The following RNF181 variants were observed in gnomAD, a reference collection of about 807,000 sequenced individuals.
The protein encoded by RNF181 is E3 ubiquitin-protein ligase RNF181.
In RNF181, 25 loss-of-function variants were observed where a neutral mutation model predicts 23.3. The observed-to-expected ratio is 1.07, with a 90% CI of 0.78 to 1.50. The LOEUF (loss-of-function observed/expected upper bound fraction) is 1.50. RNF181 is among the 40% of genes most tolerant of loss of function. The probability of loss-of-function intolerance (pLI) is 0.00; values close to 1 mark genes in which losing one functional copy is unlikely to be tolerated. For missense variants in RNF181, 167 were observed against 191.1 expected, an observed-to-expected ratio of 0.87 and a Z score of 0.74; for synonymous variants, 62 against 70.9, an observed-to-expected ratio of 0.87 and a Z score of 0.63.
chr2:85,596,932 G>C lies in RNF181; in HGVS notation c.327+1G>C, dbSNP rs202048391. On this transcript the variant is annotated splice_donor_variant, in intron 3 of 4. Transcript: ENST00000306368. LOFTEE classifies it high-confidence loss of function. ...CTGCATTCTGCCCTGGCTAAGCAAGGTACTGCTTCTCTTCTTCTAGCTCTC... is the reference window on the plus strand; with the variant it reads ...CTGCATTCTGCCCTGGCTAAGCAAGCTACTGCTTCTCTTCTTCTAGCTCTC... 49 of 1,614,146 alleles carry C rather than the reference G, an allele frequency of 3.0e-5. No homozygotes were observed. The East Asian group carries it at 9.6e-4, about 32-fold the overall frequency.
rs907028817 is a variant in RNF181, at chr2:85,596,405, G to A, written c.87-114G>A. 3 of 1,083,400 alleles carry A rather than the reference G, an allele frequency of 2.8e-6. No homozygotes were observed. The East Asian group carries it at 7.5e-5, about 27-fold the overall frequency. 67.1% of individuals were successfully genotyped at this position (1,083,400 alleles called of 1,614,324 possible). A position where few individuals can be genotyped will look rare whatever the true frequency, so the allele number is the denominator to read the frequency against. ...CTAGTGAGCATCTACTAACTACTAA[G>A]GGTAGCTATTATTCCTACTAGCTGG... On this transcript the variant is annotated intron_variant, in intron 1 of 4. Coordinates refer to ENST00000306368, the MANE Select transcript of RNF181 (RefSeq NM_016494.4).
chr2:85,595,967 A>C, intron 1 of RNF181, 118 bp downstream of exon 1: 1 of 874,588 alleles, frequency 1.1e-6, no homozygotes, highest in Non-Finnish European at 1.9e-6. Context: ...AGTAATCTGG[A>C]GTGTTAGTAC....
rs748669765 is a variant in RNF181 at position 85,597,448 on chromosome 2, C to T, written c.406C>T (p.Arg136Ter). ...CAGCATGCCTTCTTTCCTTCAGGCTCGAAAACAGCAGCAGCAACACCGACT... is the reference window on the plus strand; with the variant it reads ...CAGCATGCCTTCTTTCCTTCAGGCTTGAAAACAGCAGCAGCAACACCGACT... Reference protein sequence around the residue: ...TYEEHRRDKARKQQQQHRLEN... With the variant: ...TYEEHRRDKA The change falls in exon 5 of 5, where the codon CGA (arginine) becomes TGA (stop). Residue 136 changes from arginine to a stop codon, truncating the protein, a stop_gained. Transcript: ENST00000306368. LOFTEE classifies it high-confidence loss of function. The T allele has an allele frequency of 1.2e-5, 19 of 1,608,844 alleles. No individual in the cohort carries two copies. The Admixed American group carries it at 2.2e-4, about 19-fold the overall frequency.
chr2:85,597,364 C>G, intron 4 of RNF181, 81 bp from the exon 5 acceptor site: 2 of 1,511,040 alleles, frequency 1.3e-6, no homozygotes, highest in East Asian at 2.3e-5. Flanking sequence ...GAAAACAGAG[C>G]CAGCCCCATA....
At chr2:85,596,733 A>G in intron 2 of RNF181, 84 bp downstream of exon 2, 1 of 1,611,050 alleles carries the variant, frequency 6.2e-7, no homozygotes, top group Non-Finnish European at 8.5e-7. Flanking sequence ...TCAGTTTTCC[A>G]GGTCAGGTGG....
In RNF181 at chr2:85,596,901, T is replaced by C; in HGVS notation, c.297T>C (p.His99=). 1 of 1,614,226 alleles carries C rather than the reference T, an allele frequency of 6.2e-7. No individual in the cohort carries two copies. The highest frequency in any genetic ancestry group is 8.5e-7 in the Non-Finnish European group (1 of 1,180,040). Residue 99 remains histidine, a synonymous_variant, in exon 3 of 5, where the codon CAT becomes CAC. Coordinates refer to ENST00000306368, the MANE Select transcript of RNF181 (RefSeq NM_016494.4). ...AGATGCCTTGCCATCACCTTTTCCA[T>C]TCCAGCTGCATTCTGCCCTGGCTAA... is the stretch of plus-strand genomic sequence containing the variant. ...AIEMPCHHLF[H]SSCILPWLSK...
chr2:85,596,398 C>A, intron 1 of RNF181, 121 bp from the exon 2 acceptor site: 1 of 1,019,854 alleles, frequency 9.8e-7, no homozygotes, highest in Non-Finnish European at 1.4e-6. Context: ...CATCTACTAA[C>A]TACTAAGGGT....
In RNF181 at chr2:85,596,664, T is replaced by G; in HGVS notation, c.217+15T>G. ...CTCTCAGGCTGGTGAGGACACTGAT[T>G]CTTTCTGCTATTTGGGCCAGACCCA... On this transcript the variant is annotated intron_variant, in intron 2 of 4. Transcript: ENST00000306368. 1.2e-6 allele frequency: 2 copies of G among 1,613,180 alleles called. No homozygotes were observed. Among genetic ancestry groups the G allele is most frequent in the Non-Finnish European group, 8.5e-7 (1 of 1,179,246 alleles).
chr2:85,596,045 G>A (rs7573200), intron 1 of RNF181, among the ~76,000 whole-genome samples, 196 bp downstream of exon 1: 5,092 of 51,028 alleles, frequency 0.1, 134 homozygotes, highest in Non-Finnish European at 0.13. Flanking sequence ...GGGCCGGCCT[G>A]GGGCAAGGGG....
At chr2:85,596,970 G>T (rs746180511) in intron 3 of RNF181, 39 bp downstream of exon 3, 1 of 1,614,084 alleles carries the variant, frequency 6.2e-7, no homozygotes, top group African/African-American at 1.3e-5. Flanking sequence ...CGTGCCCTGG[G>T]CCCAGTACTC....
Position 85,596,882 on chromosome 2 carries a change from C to T in RNF181, c.278C>T (p.Pro93Leu). 6.2e-7 allele frequency: 1 copy of T among 1,614,196 alleles called. No homozygotes were observed. Among genetic ancestry groups the T allele is most frequent in the Non-Finnish European group, 8.5e-7 (1 of 1,180,046 alleles). The change falls in exon 3 of 5, where the codon CCT becomes CTT. Residue 93 changes from proline to leucine, a missense_variant. Transcript: ENST00000306368. ...GAGGAGGAGACTGCCATTGAGATGCCTTGCCATCACCTTTTCCATTCCAGC... is the reference window on the plus strand; with the variant it reads ...GAGGAGGAGACTGCCATTGAGATGCTTTGCCATCACCTTTTCCATTCCAGC... The part of the protein sequence containing the change: ...FEEEETAIEM[P>L]CHHLFHSSCI...
intron 1 of RNF181, 77 bp from the exon 2 acceptor site, chr2:85,596,442 A>G: frequency 2.1e-6 from 3 of 1,452,344 alleles, no homozygotes; most frequent in Non-Finnish European, 2.8e-6. Flanking sequence ...CAGCGTGTTT[A>G]TTAATGTCCA....
rs1177285612 is a variant in RNF181 at position 85,597,474 on chromosome 2, G to A, written c.432G>A (p.Leu144=). ...KARKQQQQHR[L]ENLHGAMYT is the part of the protein sequence containing the mutation. ...GAAAACAGCAGCAGCAACACCGACTGGAGAACCTCCATGGAGCCATGTACA... is the reference window on the plus strand; with the variant it reads ...GAAAACAGCAGCAGCAACACCGACTAGAGAACCTCCATGGAGCCATGTACA... Residue 144 remains leucine, a synonymous_variant, in exon 5 of 5, where the codon CTG becomes CTA. Transcript: ENST00000306368. 1.2e-6 allele frequency: 2 copies of A among 1,612,602 alleles called. No individual in the cohort carries two copies. The highest frequency in any genetic ancestry group is 1.1e-5 in the South Asian group (1 of 90,906).
chr2:85,597,301 T>G, intron 4 of RNF181, 123 bp downstream of exon 4: 2 of 1,384,282 alleles, frequency 1.4e-6, no homozygotes, highest in Non-Finnish European at 2.0e-6. Flanking sequence ...GGCTGTCTTC[T>G]TAGTGACTTT....
chr2:85,597,269 A>G, intron 4 of RNF181, 91 bp downstream of exon 4: 1 of 1,383,886 alleles, frequency 7.2e-7, no homozygotes, highest in Non-Finnish European at 1.0e-6. Flanking sequence ...AGGACTGGGT[A>G]GGCCTCAGAA....
chr2:85,597,220 C>T lies in RNF181; in HGVS notation c.402+42C>T. ...AAGTGGAGGGGTCGTAATGGGCTCC[C>T]TGAGTCCTGTCCCCGCTGCCATCAC... On this transcript the variant is annotated intron_variant, in intron 4 of 4. Coordinates refer to ENST00000306368, the MANE Select transcript of RNF181 (RefSeq NM_016494.4). 4 of 1,540,856 alleles carry T rather than the reference C, an allele frequency of 2.6e-6. No individual in the cohort carries two copies. In the South Asian group the frequency reaches 4.7e-5, roughly 18 times the overall value.
chr2:85,596,419 C>G (rs1387335870), intron 1 of RNF181, 100 bp from the exon 2 acceptor site: 2 of 1,221,516 alleles, frequency 1.6e-6, no homozygotes, highest in Non-Finnish European at 2.3e-6. Flanking sequence ...AGCTATTATT[C>G]CTACTAGCTG....
chr2:85,596,350 T>C lies in RNF181; in HGVS notation c.87-169T>C, dbSNP rs1011156789. 2.0e-5 allele frequency among the ~76,000 whole-genome samples: 3 copies of C among 148,580 alleles called. No individual in the cohort carries two copies. The Admixed American group carries it at 2.0e-4, about 10-fold the overall frequency. ...ACGTGCTGGGGCGGTCTGATAGCAG[T>C]TGTAAACTATTTCCCATCGTGCTTT... On this transcript the variant is annotated intron_variant, in intron 1 of 4. Transcript: ENST00000306368.
intron 1 of RNF181, among the ~76,000 whole-genome samples, chr2:85,596,194 G>A (rs1672669253): frequency 6.6e-6 from 1 of 152,090 alleles, no homozygotes; most frequent in Admixed American, 6.5e-5. Context: ...ATCAGTAACA[G>A]CAGGCACTGC....
Sources: gnomAD v4.1 joint callset for allele counts (sites outside exome capture counted in the v4.1 genomes callset) on GRCh38, gnomAD v4.1.1 for gene constraint, MANE v1.5 for transcripts, NCBI Gene and HGNC (gene_info 2026-07-23, HGNC 2026-07-21) for gene names.